ANKRD26: variants seen among roughly 807,000 people sequenced by gnomAD.
ANKRD26 encodes ankyrin repeat domain-containing protein 26.
ANKRD26 carries 141 observed loss-of-function variants against 208.7 expected under a neutral mutation model. The observed-to-expected ratio is 0.68, with a 90% CI of 0.59 to 0.78. The LOEUF (loss-of-function observed/expected upper bound fraction) is 0.78. ANKRD26 is among the 30% of genes least tolerant of loss of function. The probability of loss-of-function intolerance (pLI) is 0.00; values close to 1 mark genes in which losing one functional copy is unlikely to be tolerated. For missense variants in ANKRD26, 1,889 were observed against 1,938.7 expected (o/e 0.97, Z 0.48); for synonymous variants, 636 against 660.4 (o/e 0.96, Z 0.57).
At chr10:27,011,737 G>C (rs541776829) in intron 32 of ANKRD26, among the ~76,000 whole-genome samples, 16 of 152,172 alleles carry the variant, frequency 1.1e-4, no homozygotes, top group Non-Finnish European at 2.4e-4. Context: ...GGATCCAGGG[G>C]AGATGAGGAC....
rs949263815 is a variant in ANKRD26, at chr10:26,980,086, T to C, written c.*281+490A>G. ...GAAAGTTTGCATTTAATAAGCGCCATTTTTATTGTTCTCAAGGCAATCAGC... is the reference window on the plus strand; with the variant it reads ...GAAAGTTTGCATTTAATAAGCGCCACTTTTATTGTTCTCAAGGCAATCAGC... On this transcript the variant is annotated intron_variant and NMD_transcript_variant, in intron 5 of 5. Coordinates refer to the ANKRD26 transcript ENST00000674670. Among the ~76,000 whole-genome samples the C allele has an allele frequency of 5.3e-5, 8 of 152,312 alleles. No individual in the cohort carries two copies. The East Asian group carries it at 9.6e-4, about 18-fold the overall frequency.
chr10:26,975,612 C>G (rs2052214986), exon 6 of ANKRD26, among the ~76,000 whole-genome samples: 2 of 152,002 alleles, frequency 1.3e-5, no homozygotes, highest in Admixed American at 1.3e-4. Context: ...GAGGCCAAGG[C>G]AGGTGGATCA....
intron 5 of ANKRD26, among the ~76,000 whole-genome samples, chr10:27,084,103 C>T (rs1187381467): frequency 6.6e-6 from 1 of 151,698 alleles, no homozygotes; most frequent in Non-Finnish European, 1.5e-5. Flanking sequence ...ATCCCAGCTA[C>T]TCAGGAGGCT....
At chr10:27,024,315 C>G (rs11015455) in intron 28 of ANKRD26, 132 bp downstream of exon 28, 1 of 565,072 alleles carries the variant, frequency 1.8e-6, no homozygotes, top group African/African-American at 1.9e-5. Context: ...TTTCTAAAAC[C>G]ATTTTAAAAG....
chr10:27,096,749 G>C (rs992108117), intron 1 of ANKRD26, among the ~76,000 whole-genome samples: 84 of 138,728 alleles, frequency 6.1e-4, no homozygotes, highest in African/African-American at 2.4e-3. Context: ...CCAGGAGACA[G>C]AGCGAGACTC....
Position 27,067,205 on chromosome 10 carries a change from T to C in ANKRD26, c.1159A>G (p.Asn387Asp). The change falls in exon 10 of 34, where the codon AAT becomes GAT. Residue 387 changes from asparagine to aspartate, a missense_variant. This residue lies in a region of ANKRD26 where 1,272 missense variants were observed against 1,273.8 expected (regional missense o/e 1.00). Transcript: ENST00000376087. ...TCATCAACATAAGTCAAATTGTCAT[T>C]ATTTGTTTGCTCTAGTGGAGCACTT... ...IESAPLEQTN[N>D]DNLTYVDEVH... 3 of 1,613,862 alleles carry C rather than the reference T, an allele frequency of 1.9e-6. No individual in the cohort carries two copies. The highest frequency in any genetic ancestry group is 2.5e-6 in the Non-Finnish European group (3 of 1,179,832).
Position 27,033,261 on chromosome 10 carries a change from C to A in ANKRD26, c.3771G>T (p.Gln1257His), listed in dbSNP as rs757491536. 17 of 1,611,926 alleles carry A rather than the reference C, an allele frequency of 1.1e-5. No individual in the cohort carries two copies. The highest frequency in any genetic ancestry group is 1.3e-5 in the Non-Finnish European group (15 of 1,178,608). ...TTTGACCTAATTTCTTCTTTAAATC[C>A]TGTGTCTCATCTTCTAAATTAATAC... is the stretch of plus-strand genomic sequence containing the variant. The part of the protein sequence containing the change: ...RYRINLEDET[Q>H]DLKKKLGQIR... Residue 1257 changes from glutamine (Q) to histidine (H), a missense_variant, in exon 25 of 34, where the codon CAG becomes CAT. Physicochemically the swap from Gln to His is conservative, Grantham distance 24 (BLOSUM62 0). Transcript: ENST00000376087.
chr10:27,064,800 T>C (rs2055181514), intron 11 of ANKRD26, among the ~76,000 whole-genome samples: 1 of 151,978 alleles, frequency 6.6e-6, no homozygotes, highest in Admixed American at 6.6e-5. Context: ...AGATACAGAA[T>C]ACAAACTCTC....
At chr10:27,011,134 A>C (rs750674385) in intron 32 of ANKRD26, among the ~76,000 whole-genome samples, 4 of 152,214 alleles carry the variant, frequency 2.6e-5, no homozygotes, top group Non-Finnish European at 5.9e-5. Context: ...CTCTGCATTA[A>C]GATCATGAAA....
chr10:26,958,773 A>C, the ANKRD26 span, among the ~76,000 whole-genome samples: 11 of 152,162 alleles, frequency 7.2e-5, no homozygotes, highest in Admixed American at 2.0e-4. Context: ...ATGAACATAC[A>C]CGTCTATGTC....
At chr10:27,052,418 G>A (rs1412378397) in intron 16 of ANKRD26, among the ~76,000 whole-genome samples, 1 of 152,024 alleles carries the variant, frequency 6.6e-6, no homozygotes, top group Non-Finnish European at 1.5e-5. Context: ...CATTTTAAAA[G>A]ATTTTACCTT....
chr10:26,967,016 C>T, the ANKRD26 span, among the ~76,000 whole-genome samples: 6 of 152,244 alleles, frequency 3.9e-5, no homozygotes, highest in South Asian at 2.1e-4. Flanking sequence ...ACATTGGCCA[C>T]GACCACTAAT....
Position 27,037,339 on chromosome 10 carries a change from G to A in ANKRD26, c.2560-16C>T. ...CTTGAACGACCTAGAGATACATTAA[G>A]TTTTAGGTCTATTAGCATTTTGTAA... On this transcript the variant is annotated splice_polypyrimidine_tract_variant and intron_variant, in intron 22 of 33. Transcript: ENST00000376087. 1 of 1,613,468 alleles carries A rather than the reference G, an allele frequency of 6.2e-7. No homozygotes were observed. Among genetic ancestry groups the A allele is most frequent in the Non-Finnish European group, 8.5e-7 (1 of 1,179,606 alleles).
intron 16 of ANKRD26, chr10:27,052,158 G>C: frequency 2.0e-6 from 2 of 980,170 alleles, no homozygotes; most frequent in Non-Finnish European, 1.2e-6. Context: ...GAGTAATCAA[G>C]TACGGACAAA....
In ANKRD26 at chr10:27,082,836, A is replaced by G; in HGVS notation, c.710-3T>C. On this transcript the variant is annotated splice_region_variant and splice_polypyrimidine_tract_variant and intron_variant, in intron 5 of 33. Transcript: ENST00000376087. The stretch of plus-strand genomic sequence containing the variant: ...GGAGTCTTCAGAGCTTTCATCCACT[A>G]TTAAAGAGAAAAGTAAAACACACTT... 1.3e-6 allele frequency: 2 copies of G among 1,588,652 alleles called. No individual in the cohort carries two copies. Among genetic ancestry groups the G allele is most frequent in the Non-Finnish European group, 1.7e-6 (2 of 1,166,372 alleles).
intron 4 of ANKRD26, among the ~76,000 whole-genome samples, chr10:26,996,599 C>T (rs1470323184): frequency 3.3e-5 from 5 of 152,120 alleles, no homozygotes; most frequent in African/African-American, 1.2e-4. Flanking sequence ...GGTTTTTCTA[C>T]AGGGAATACA....
chr10:26,976,139 T>C (rs935276092), intron 5 of ANKRD26, among the ~76,000 whole-genome samples: 4 of 152,192 alleles, frequency 2.6e-5, no homozygotes, highest in African/African-American at 7.2e-5. Flanking sequence ...ACTCAACTTA[T>C]ACATCACATT....
chr10:27,051,757 C>T, intron 16 of ANKRD26: 1 of 985,312 alleles, frequency 1.0e-6, no homozygotes, highest in Non-Finnish European at 1.2e-6. Flanking sequence ...GAATCTTTTT[C>T]ATCGCAATCA....
chr10:26,958,093 T>TATA, the ANKRD26 span, among the ~76,000 whole-genome samples: 1 of 108,422 alleles, frequency 9.2e-6, no homozygotes, highest in African/African-American at 3.2e-5. Context: ...ATATATATAT[T>TATA]TATTTTTGAG....
Sources: gnomAD v4.1 joint callset for allele counts (sites outside exome capture counted in the v4.1 genomes callset) on GRCh38, gnomAD v4.1.1 for gene constraint, gnomAD v4.1.1 regional missense constraint, MANE v1.5 for transcripts, NCBI Gene and HGNC (gene_info 2026-07-23, HGNC 2026-07-21) for gene names.